The following DOCK3 variants were observed in gnomAD, a reference collection of about 807,000 sequenced individuals.
DOCK3 encodes dedicator of cytokinesis protein 3.
In DOCK3, 60 loss-of-function variants were observed where a neutral mutation model predicts 265.6. The observed-to-expected ratio is 0.23, with a 90% confidence interval of 0.18 to 0.28. The LOEUF (loss-of-function observed/expected upper bound fraction) is 0.28. Among genes scored for constraint, DOCK3 ranks in the 10% least tolerant of loss-of-function variants. The pLI, the probability that DOCK3 is intolerant of heterozygous loss-of-function variation, is 1.00. For missense variants in DOCK3, 1,981 were observed against 2,594.3 expected, an observed-to-expected ratio of 0.76 and a Z score of 5.14; for synonymous variants, 881 against 938.0, an observed-to-expected ratio of 0.94 and a Z score of 1.11.
At chr3:51,195,550 GATTAC>G (rs2088232860) in intron 12 of DOCK3, among the ~76,000 whole-genome samples, 2 of 152,022 alleles carry the variant, frequency 1.3e-5, no homozygotes, top group African/African-American at 4.8e-5. Context: ...AAGTAGCTGA[GATTAC>G]AGATGCGTGC....
At chr3:51,293,243 T>C (rs1042564262) in intron 27 of DOCK3, among the ~76,000 whole-genome samples, 3 of 152,160 alleles carry the variant, frequency 2.0e-5, no homozygotes, top group Non-Finnish European at 2.9e-5. Context: ...AAAACTGTAG[T>C]GATCAAAACA....
At position 50,727,254 on chromosome 3, in the gene DOCK3, G is replaced by T. The variant is rs551683623; in HGVS notation, c.38-51421G>T. ...TTTAGAGGAAAAGTACTTTAAAGATGAAGACATAGAAAGGTTATAACTAAA... is the reference window on the plus strand; with the variant it reads ...TTTAGAGGAAAAGTACTTTAAAGATTAAGACATAGAAAGGTTATAACTAAA... On this transcript the variant is annotated intron_variant, in intron 1 of 52. Coordinates refer to ENST00000266037, the MANE Select transcript of DOCK3 (RefSeq NM_004947.5). 1.4e-4 allele frequency among the ~76,000 whole-genome samples: 21 copies of T among 152,230 alleles called. No homozygotes were observed. In the South Asian group the frequency reaches 4.4e-3, roughly 32 times the overall value.
At chr3:50,808,204 A>G (rs929553330) in intron 2 of DOCK3, among the ~76,000 whole-genome samples, 2 of 152,238 alleles carry the variant, frequency 1.3e-5, no homozygotes, top group African/African-American at 2.4e-5. Context: ...AAATCTTGAT[A>G]AAAATTAAGA....
At chr3:50,870,977 A>G (rs1030958420) in intron 3 of DOCK3, among the ~76,000 whole-genome samples, 1 of 152,068 alleles carries the variant, frequency 6.6e-6, no homozygotes, top group African/African-American at 2.4e-5. Flanking sequence ...GAATAGTTGT[A>G]GTTATTATTT....
chr3:50,939,793 T>G (rs1165043923), intron 5 of DOCK3, among the ~76,000 whole-genome samples: 1 of 152,156 alleles, frequency 6.6e-6, no homozygotes, highest in Non-Finnish European at 1.5e-5. Context: ...ACAGTCTGCT[T>G]TTGTGAACAA....
At chr3:51,067,682 A>AAACTCCTTTCC (rs1560015531) in intron 6 of DOCK3, among the ~76,000 whole-genome samples, 1,596 of 151,140 alleles carry the variant, frequency 0.011, 42 homozygotes, top group African/African-American at 0.036. Flanking sequence ...AGTGGAAAAT[A>AAACTCCTTTCC]TAGTCACTTA....
At chr3:51,003,715 G>C (rs111420292) in intron 5 of DOCK3, among the ~76,000 whole-genome samples, 2,571 of 152,206 alleles carry the variant, frequency 0.017, 52 homozygotes, top group African/African-American at 0.042. Flanking sequence ...TAACATGTTT[G>C]TCTCTTGGAA....
intron 9 of DOCK3, among the ~76,000 whole-genome samples, chr3:51,145,686 C>A (rs757513988): frequency 6.6e-6 from 1 of 152,038 alleles, no homozygotes; most frequent in African/African-American, 2.4e-5. Context: ...TCTTCCAATG[C>A]GACCCAGGGT....
intron 5 of DOCK3, among the ~76,000 whole-genome samples, chr3:50,945,649 CAG>C (rs1157538683): frequency 6.6e-6 from 1 of 152,050 alleles, no homozygotes; most frequent in Admixed American, 6.5e-5. Context: ...CCCCTCATAA[CAG>C]AATATGCAAA....
At chr3:51,143,272 A>ATG (rs34536534) in intron 9 of DOCK3, among the ~76,000 whole-genome samples, 10 of 146,132 alleles carry the variant, frequency 6.8e-5, no homozygotes, top group East Asian at 6.1e-4. Context: ...TTTTTTTTTT[A>ATG]TGTGTGTGTG....
intron 32 of DOCK3, among the ~76,000 whole-genome samples, chr3:51,324,051 C>T (rs1029392892): frequency 2.6e-5 from 4 of 152,140 alleles, no homozygotes; most frequent in East Asian, 1.9e-4. Flanking sequence ...TCCTATTCAA[C>T]GTAGTATTGG....
chr3:51,144,145 T>C (rs2085191312), intron 9 of DOCK3, among the ~76,000 whole-genome samples: 1 of 152,244 alleles, frequency 6.6e-6, no homozygotes, highest in Non-Finnish European at 1.5e-5. Flanking sequence ...TAATTGACTA[T>C]GTGTATGTGG....
At chr3:51,050,859 G>T (rs2080968940) in intron 5 of DOCK3, among the ~76,000 whole-genome samples, 1 of 152,054 alleles carries the variant, frequency 6.6e-6, no homozygotes, top group East Asian at 1.9e-4. Context: ...CCTTAGCCCA[G>T]TCAAGTTAAC....
At chr3:51,129,195 T>C (rs1475269167) in intron 9 of DOCK3, among the ~76,000 whole-genome samples, 33 of 152,244 alleles carry the variant, frequency 2.2e-4, no homozygotes, top group Non-Finnish European at 4.4e-5. Context: ...CACAACCAGG[T>C]GCACTACTTG....
At chr3:51,150,567 T>A (rs1457622755) in intron 10 of DOCK3, among the ~76,000 whole-genome samples, 1 of 152,232 alleles carries the variant, frequency 6.6e-6, no homozygotes, top group African/African-American at 2.4e-5. Context: ...AAAGAATATC[T>A]TTATTTCTGC....
intron 5 of DOCK3, among the ~76,000 whole-genome samples, chr3:50,940,080 C>CACATACACACACAA (rs1476588812): frequency 5.3e-5 from 8 of 150,228 alleles, no homozygotes; most frequent in East Asian, 1.9e-4. Flanking sequence ...CACACAAACA[C>CACATACACACACAA]ACACACACAT....
chr3:51,045,061 A>G (rs895893995), intron 5 of DOCK3, among the ~76,000 whole-genome samples: 2 of 152,092 alleles, frequency 1.3e-5, no homozygotes, highest in African/African-American at 4.8e-5. Flanking sequence ...TTTCCTTTGC[A>G]TTCACAACTT....
intron 1 of DOCK3, among the ~76,000 whole-genome samples, chr3:50,732,591 T>C (rs992772223): frequency 6.6e-6 from 1 of 152,158 alleles, no homozygotes; most frequent in Non-Finnish European, 1.5e-5. Flanking sequence ...TTTTATTTTT[T>C]GTAGAGACAG....
chr3:51,007,711 A>G (rs1247990760), intron 5 of DOCK3, among the ~76,000 whole-genome samples: 5 of 146,476 alleles, frequency 3.4e-5, no homozygotes, highest in South Asian at 2.3e-4. Flanking sequence ...TATGTCCTGA[A>G]TGGTATTGCC....
Sources: gnomAD v4.1 joint callset for allele counts (sites outside exome capture counted in the v4.1 genomes callset) on GRCh38, gnomAD v4.1.1 for gene constraint, MANE v1.5 for transcripts, NCBI Gene and HGNC (gene_info 2026-07-23, HGNC 2026-07-21) for gene names.